The following SATB2 variants were observed in gnomAD, a reference collection of about 807,000 sequenced individuals.
SATB2 encodes SATB homeobox 2.
A neutral mutation model predicts 73.4 loss-of-function variants in SATB2; 1 was observed. The observed-to-expected ratio is 0.01, with a 90% CI of 0.00 to 0.06. SATB2 has a LOEUF of 0.06. Among genes scored for constraint, SATB2 ranks in the 10% least tolerant of loss-of-function variants. The probability of loss-of-function intolerance (pLI) is 1.00; values close to 1 mark genes in which losing one functional copy is unlikely to be tolerated. For missense variants in SATB2, 459 were observed against 945.8 expected (o/e 0.49, Z 6.75); for synonymous variants, 397 against 367.0 (o/e 1.08, Z -0.93).
At chr2:199,448,604 T>C (rs1364554778) in intron 2 of SATB2, among the ~76,000 whole-genome samples, 1 of 152,172 alleles carries the variant, frequency 6.6e-6, no homozygotes, top group Non-Finnish European at 1.5e-5. Context: ...AAACATTTGC[T>C]CTAACTAGAG....
chr2:199,313,323 G>A (rs1466467773), intron 9 of SATB2, among the ~76,000 whole-genome samples: 1 of 152,088 alleles, frequency 6.6e-6, no homozygotes, highest in African/African-American at 2.4e-5. Context: ...AATATACATG[G>A]AGCCTAAGTG....
At position 199,272,304 on chromosome 2, in the gene SATB2, G is replaced by T. The variant is rs148851926; in HGVS notation, c.2109C>A (p.Ser703Arg). 2 of 1,614,054 alleles carry T rather than the reference G, an allele frequency of 1.2e-6. No homozygotes were observed. Among genetic ancestry groups the T allele is most frequent in the African/African-American group, 2.7e-5 (2 of 74,996 alleles). Residue 703 changes from serine (S) to arginine (R), a missense_variant, in exon 11 of 11, where the codon AGC becomes AGA. Coordinates refer to ENST00000417098, the MANE Select transcript of SATB2 (RefSeq NM_001172509.2). The surrounding 1 kb of genome is among the most constrained non-coding windows in gnomAD (Gnocchi z 6.7). ...ELLTESEEND[S>R]EEGSEEMYKV... ...TGTACATCTCCTCGGAGCCTTCCTC[G>T]CTGTCGTTCTCCTCTGACTCGGTCA... is the stretch of plus-strand genomic sequence containing the variant.
chr2:199,323,708 T>C (rs762349279), intron 9 of SATB2, 95 bp downstream of exon 9: 16 of 1,271,214 alleles, frequency 1.3e-5, no homozygotes, highest in Non-Finnish European at 1.7e-5. Flanking sequence ...TTATTACTGT[T>C]ATTATTATTA....
At chr2:199,462,926 A>C (rs1442520996), upstream of SATB2, among the ~76,000 whole-genome samples, 1 of 152,204 alleles carries the variant, frequency 6.6e-6, no homozygotes, top group African/African-American at 2.4e-5. This position sits in a 1 kb window ranked among gnomAD's most constrained non-coding sequence, Gnocchi z 5.9. Flanking sequence ...AGGTCGGCCC[A>C]GGAGCTGCCT....
upstream of SATB2, among the ~76,000 whole-genome samples, chr2:199,468,540 G>A (rs1486190623): frequency 2.6e-5 from 4 of 152,212 alleles, no homozygotes; most frequent in African/African-American, 9.7e-5. Flanking sequence ...CATCAGGAGT[G>A]GGGAGTGAGG....
At position 199,272,675 on chromosome 2, in the gene SATB2, G is replaced by A. The variant is rs777491460; in HGVS notation, c.1741-3C>T. On this transcript the variant is annotated splice_polypyrimidine_tract_variant and splice_region_variant and intron_variant, in intron 10 of 10. Transcript: ENST00000417098. The surrounding 1 kb of genome is among the most constrained non-coding windows in gnomAD (Gnocchi z 6.7). Reference sequence around the variant, plus strand: ...TGAGACTGCTGTCTATGAAGTACCTGATAATTAAGAGAGAAAAAAATGAAC... The same window carrying A: ...TGAGACTGCTGTCTATGAAGTACCTAATAATTAAGAGAGAAAAAAATGAAC... The A allele has an allele frequency of 1.2e-6, 2 of 1,612,976 alleles. No homozygotes were observed. The highest frequency in any genetic ancestry group is 3.3e-5 in the Admixed American group (2 of 60,006).
intron 3 of SATB2, among the ~76,000 whole-genome samples, chr2:199,399,491 C>G (rs556733458): frequency 1.3e-5 from 2 of 152,170 alleles, no homozygotes; most frequent in East Asian, 3.9e-4. Context: ...TTAATTTTCA[C>G]AAAAATCCTA....
At chr2:199,324,331 A>G (rs1203012892) in intron 8 of SATB2, among the ~76,000 whole-genome samples, 2 of 152,166 alleles carry the variant, frequency 1.3e-5, no homozygotes, top group African/African-American at 4.8e-5. Context: ...CAATTCTTCC[A>G]GAAAAAAAAT....
chr2:199,337,467 G>A (rs1688368409), intron 7 of SATB2, among the ~76,000 whole-genome samples: 1 of 152,080 alleles, frequency 6.6e-6, no homozygotes, highest in Non-Finnish European at 1.5e-5. Context: ...ACCTTACAAA[G>A]TACCAAAGTG....
At chr2:199,394,378 C>T (rs1395790486) in intron 3 of SATB2, among the ~76,000 whole-genome samples, 3 of 152,180 alleles carry the variant, frequency 2.0e-5, no homozygotes, top group African/African-American at 7.2e-5. Flanking sequence ...AGACCCTCCA[C>T]ATGTCGACAA....
chr2:199,358,254 CT>C (rs1200514614), intron 6 of SATB2, among the ~76,000 whole-genome samples: 2 of 152,070 alleles, frequency 1.3e-5, no homozygotes, highest in Non-Finnish European at 2.9e-5. Context: ...GGTTTATTCT[CT>C]CCTAGTCAAT....
chr2:199,271,762 A>C lies in SATB2; in HGVS notation c.*449T>G, dbSNP rs2105705465. 1 of 160,470 alleles carries C rather than the reference A, an allele frequency of 6.2e-6. No homozygotes were observed. The highest frequency in any genetic ancestry group is 3.4e-3 in the Middle Eastern group (1 of 298). 9.9% of individuals were successfully genotyped at this position (160,470 alleles called of 1,614,324 possible). On this transcript the variant is annotated 3_prime_UTR_variant, in exon 11 of 11. Coordinates refer to ENST00000417098, the MANE Select transcript of SATB2 (RefSeq NM_001172509.2). ...GATTGCAAAGTCTCTGTCCCATGCA[A>C]TTTTAATATATATATGTAAATATAG...
intron 3 of SATB2, among the ~76,000 whole-genome samples, chr2:199,408,583 T>C (rs1003834042): frequency 1.3e-5 from 2 of 149,584 alleles, no homozygotes; most frequent in African/African-American, 4.9e-5. Context: ...ATTGAAAGGG[T>C]AAAAACCGCA....
chr2:199,342,991 A>G (rs902894822), intron 7 of SATB2, among the ~76,000 whole-genome samples: 3 of 152,192 alleles, frequency 2.0e-5, no homozygotes, highest in Non-Finnish European at 2.9e-5. Context: ...GACATTTGAA[A>G]TGTTATTTAT....
chr2:199,424,693 C>A lies in SATB2; in HGVS notation c.346+8645G>T, dbSNP rs1011709940. 5.3e-5 allele frequency among the ~76,000 whole-genome samples: 8 copies of A among 152,218 alleles called. No individual in the cohort carries two copies. In the South Asian group the frequency reaches 8.3e-4, roughly 16 times the overall value. On this transcript the variant is annotated intron_variant, in intron 3 of 10. Coordinates refer to ENST00000417098, the MANE Select transcript of SATB2 (RefSeq NM_001172509.2). ...TTATAAGATTCAGATGATGAGAAATCTTTTCCAAAGGAAAAAAAGACAAAA... is the reference window on the plus strand; with the variant it reads ...TTATAAGATTCAGATGATGAGAAATATTTTCCAAAGGAAAAAAAGACAAAA...
chr2:199,412,634 T>C (rs1366000204), intron 3 of SATB2, among the ~76,000 whole-genome samples: 1 of 152,208 alleles, frequency 6.6e-6, no homozygotes, highest in Non-Finnish European at 1.5e-5. Flanking sequence ...TCATATTTTC[T>C]ATTTCTTTGT....
intron 2 of SATB2, among the ~76,000 whole-genome samples, chr2:199,436,853 G>A (rs745786825): frequency 6.6e-6 from 1 of 151,180 alleles, no homozygotes; most frequent in Non-Finnish European, 1.5e-5. Flanking sequence ...AAGAGAGAGA[G>A]AGAGAGAGAG....
exon 1 of SATB2, chr2:199,471,143 G>A (rs1324465052): frequency 6.6e-6 from 1 of 152,412 alleles, no homozygotes; most frequent in Non-Finnish European, 1.5e-5. Flanking sequence ...GAGCTGGGGA[G>A]GGTTGTGCGG....
intron 10 of SATB2, among the ~76,000 whole-genome samples, chr2:199,291,974 C>A (rs1484624873): frequency 6.6e-6 from 1 of 151,760 alleles, no homozygotes; most frequent in Non-Finnish European, 1.5e-5. Flanking sequence ...ATTAAGGGTA[C>A]CCTCAAGATT....
Sources: gnomAD v4.1 joint callset for allele counts (sites outside exome capture counted in the v4.1 genomes callset) on GRCh38, gnomAD v4.1.1 for gene constraint, Gnocchi (gnomAD v3.1) non-coding constraint, MANE v1.5 for transcripts, NCBI Gene and HGNC (gene_info 2026-07-23, HGNC 2026-07-21) for gene names.